The following TOP1 variants were observed in gnomAD, a reference collection of about 807,000 sequenced individuals.
TOP1 encodes DNA topoisomerase 1.
A neutral mutation model predicts 111.1 loss-of-function variants in TOP1; 10 were observed. The observed-to-expected ratio is 0.09, with a 90% CI of 0.06 to 0.15. The LOEUF (loss-of-function observed/expected upper bound fraction) is 0.15, where lower values mean the gene tolerates loss of function less well. TOP1 is among the 10% of genes least tolerant of loss of function. TOP1 has a pLI of 1.00. For synonymous variants in TOP1, 271 were observed against 302.9 expected (o/e 0.89, Z 1.10); for missense variants, 474 against 926.7 (o/e 0.51, Z 6.34).
intron 13 of TOP1, among the ~76,000 whole-genome samples, chr20:41,107,979 C>G (rs1256307391): frequency 6.6e-6 from 1 of 152,190 alleles, no homozygotes; most frequent in African/African-American, 2.4e-5. Flanking sequence ...CGTGAGCCAC[C>G]ACATCCAGCC....
intron 3 of TOP1, chr20:41,073,296 G>T: frequency 2.0e-6 from 2 of 984,800 alleles, no homozygotes; most frequent in Non-Finnish European, 2.4e-6. Flanking sequence ...TCAGGGGAAG[G>T]TGGAACTTAA....
rs538398522 is a variant in TOP1, at chr20:41,057,332, A to C, written c.59-4062A>C. Among the ~76,000 whole-genome samples, 6 of 151,868 alleles carry C rather than the reference A, an allele frequency of 4.0e-5. No homozygotes were observed. In the South Asian group the frequency reaches 1.3e-3, roughly 32 times the overall value. On this transcript the variant is annotated intron_variant, in intron 2 of 20. Transcript: ENST00000361337. ...GGGAGGCTGAGGTTGCAGTGAGCCG[A>C]GATCACACCACTGCACTCCAGCCTG... is the stretch of plus-strand genomic sequence containing the variant.
intron 2 of TOP1, among the ~76,000 whole-genome samples, chr20:41,039,574 C>G (rs1159578761): frequency 6.6e-6 from 1 of 152,092 alleles, no homozygotes; most frequent in Non-Finnish European, 1.5e-5. Flanking sequence ...TTCCTGTTAT[C>G]TTTTTGTATC....
At chr20:41,113,475 T>TG (rs1416805966) in intron 14 of TOP1, among the ~76,000 whole-genome samples, 3 of 150,978 alleles carry the variant, frequency 2.0e-5, no homozygotes, top group Non-Finnish European at 4.4e-5. Flanking sequence ...TCATAGTGAG[T>TG]GGGGGAGGAA....
At chr20:41,047,821 C>G (rs11699093) in intron 2 of TOP1, among the ~76,000 whole-genome samples, 8 of 152,172 alleles carry the variant, frequency 5.3e-5, no homozygotes, top group Non-Finnish European at 8.8e-5. Flanking sequence ...TATGTAGCCT[C>G]TAGCTCCCAA....
At position 41,109,398 on chromosome 20, in the gene TOP1, A is replaced by C. The variant is rs1364672324; in HGVS notation, c.1309-3384A>C. Among the ~76,000 whole-genome samples the C allele has an allele frequency of 6.6e-6, 1 of 152,212 alleles. No individual in the cohort carries two copies. Among genetic ancestry groups the C allele is most frequent in the Non-Finnish European group, 1.5e-5 (1 of 68,038 alleles). ...AGCTTGTAGGTGATATCATGGTTGA[A>C]TATGACCTTAGAGTAGATTCCTTAG... On this transcript the variant is annotated intron_variant, in intron 13 of 20. Coordinates refer to ENST00000361337, the MANE Select transcript of TOP1 (RefSeq NM_003286.4). The surrounding 1 kb of genome is among the most constrained non-coding windows in gnomAD (Gnocchi z 4.1).
At position 41,030,610 on chromosome 20, in the gene TOP1, G is replaced by A. The variant is rs1344614272; in HGVS notation, c.58+1155G>A. The stretch of plus-strand genomic sequence containing the variant: ...AAAAAGCTCATCCTTGCAGGCTTTC[G>A]AACAACCCTGTTGAAGGAGAAGTTA... On this transcript the variant is annotated intron_variant, in intron 2 of 20. Coordinates refer to ENST00000361337, the MANE Select transcript of TOP1 (RefSeq NM_003286.4). The surrounding 1 kb of genome is among the most constrained non-coding windows in gnomAD (Gnocchi z 4.1). Among the ~76,000 whole-genome samples the A allele has an allele frequency of 6.6e-6, 1 of 152,002 alleles. No individual in the cohort carries two copies. Among genetic ancestry groups the A allele is most frequent in the Non-Finnish European group, 1.5e-5 (1 of 68,028 alleles).
chr20:41,092,388 G>C lies in TOP1; in HGVS notation c.615-84G>C. 5 of 628,676 alleles carry C rather than the reference G, an allele frequency of 8.0e-6. No homozygotes were observed. The highest frequency in any genetic ancestry group is 1.4e-5 in the Non-Finnish European group (5 of 363,174). 38.9% of individuals were successfully genotyped at this position (628,676 alleles called of 1,614,324 possible). On this transcript the variant is annotated intron_variant, in intron 8 of 20. Coordinates refer to ENST00000361337, the MANE Select transcript of TOP1 (RefSeq NM_003286.4). The surrounding 1 kb of genome is among the most constrained non-coding windows in gnomAD (Gnocchi z 4.3). ...TTCCAGAGCACTAATCAGTTGAGCG[G>C]ATAATTATTTGGCATTTAATCAGTG...
intron 2 of TOP1, among the ~76,000 whole-genome samples, chr20:41,039,561 T>TA (rs1441033324): frequency 1.3e-5 from 2 of 152,218 alleles, no homozygotes; most frequent in Non-Finnish European, 2.9e-5. Flanking sequence ...TCTGTGTATT[T>TA]ATTTCCTGTT....
Position 41,123,138 on chromosome 20 carries a change from G to A in TOP1, c.2196-57G>A. On this transcript the variant is annotated intron_variant, in intron 20 of 20. Transcript: ENST00000361337. This position sits in a 1 kb window ranked among gnomAD's most constrained non-coding sequence, Gnocchi z 5.8. Reference sequence around the variant, plus strand: ...ATGGAACATCTGACCCTGGGCCTCAGATATGGGCCATTGCTGAGTCACCCT... The same window carrying A: ...ATGGAACATCTGACCCTGGGCCTCAAATATGGGCCATTGCTGAGTCACCCT... The A allele has an allele frequency of 8.3e-7, 1 of 1,207,078 alleles. No individual in the cohort carries two copies. Among genetic ancestry groups the A allele is most frequent in the South Asian group, 1.2e-5 (1 of 80,796 alleles). 74.8% of individuals were successfully genotyped at this position (1,207,078 alleles called of 1,614,324 possible).
At chr20:41,051,857 A>C (rs2033409987) in intron 2 of TOP1, among the ~76,000 whole-genome samples, 1 of 152,054 alleles carries the variant, frequency 6.6e-6, no homozygotes, top group African/African-American at 2.4e-5. Flanking sequence ...GAGTAGGCTG[A>C]CTTCAGTTCT....
At chr20:41,049,528 T>A (rs1568675337) in intron 2 of TOP1, among the ~76,000 whole-genome samples, 1 of 152,090 alleles carries the variant, frequency 6.6e-6, no homozygotes, top group Non-Finnish European at 1.5e-5. Context: ...AACGGTAACA[T>A]TAGAGGCTGA....
chr20:41,119,757 A>G (rs1358361246), intron 18 of TOP1, among the ~76,000 whole-genome samples: 1 of 152,198 alleles, frequency 6.6e-6, no homozygotes, highest in Non-Finnish European at 1.5e-5. Context: ...ACATCCATAG[A>G]CCTTTGATTC....
rs1003061433 is a variant in TOP1 at position 41,100,375 on chromosome 20, C to G, written c.1163+132C>G. 1 of 656,892 alleles carries G rather than the reference C, an allele frequency of 1.5e-6. No homozygotes were observed. The highest frequency in any genetic ancestry group is 2.5e-6 in the Non-Finnish European group (1 of 406,740). The allele number at this position is 656,892 out of a possible 1,614,324, so 40.7% of individuals were successfully genotyped here. A position where few individuals can be genotyped will look rare whatever the true frequency, so the allele number is the denominator to read the frequency against. ...CTTAAGAGCAGGACAGTATTTCATG[C>G]GTAGGTCTCCAGATGTTTTTGAGGT... On this transcript the variant is annotated intron_variant, in intron 12 of 20. Transcript: ENST00000361337. The surrounding 1 kb of genome is among the most constrained non-coding windows in gnomAD (Gnocchi z 4.4).
At chr20:41,040,364 T>A (rs2122594426) in intron 2 of TOP1, among the ~76,000 whole-genome samples, 1 of 152,376 alleles carries the variant, frequency 6.6e-6, no homozygotes, top group African/African-American at 2.4e-5. Flanking sequence ...GGATGCAATG[T>A]AAGTAGTTCT....
rs568182064 is a variant in TOP1, at chr20:41,117,488, G to A, written c.1823-681G>A. Among the ~76,000 whole-genome samples, 6 of 140,188 alleles carry A rather than the reference G, an allele frequency of 4.3e-5. No individual in the cohort carries two copies. The East Asian group carries it at 1.1e-3, about 27-fold the overall frequency. 92.0% of individuals were successfully genotyped at this position (140,188 alleles called of 152,430 possible). A position where few individuals can be genotyped will look rare whatever the true frequency, so the allele number is the denominator to read the frequency against. Reference sequence around the variant, plus strand: ...GCAAGCTCCGCCTCCTGGGGTTCACGCCATTCTCCTGCCTCAGCCTCCCGA... The same window carrying A: ...GCAAGCTCCGCCTCCTGGGGTTCACACCATTCTCCTGCCTCAGCCTCCCGA... On this transcript the variant is annotated intron_variant, in intron 17 of 20. Coordinates refer to ENST00000361337, the MANE Select transcript of TOP1 (RefSeq NM_003286.4).
chr20:41,121,904 C>T lies in TOP1; in HGVS notation c.2046-102C>T. Reference sequence around the variant, plus strand: ...TTTCTGAGAAATGTCTTTTGGAAATCTCTATACTAGGGCTTTTATTGACTC... The same window carrying T: ...TTTCTGAGAAATGTCTTTTGGAAATTTCTATACTAGGGCTTTTATTGACTC... On this transcript the variant is annotated intron_variant, in intron 19 of 20. Coordinates refer to ENST00000361337, the MANE Select transcript of TOP1 (RefSeq NM_003286.4). This position sits in a 1 kb window ranked among gnomAD's most constrained non-coding sequence, Gnocchi z 4.2. The T allele has an allele frequency of 2.6e-6, 4 of 1,560,726 alleles. No homozygotes were observed. Among genetic ancestry groups the T allele is most frequent in the Non-Finnish European group, 3.5e-6 (4 of 1,142,940 alleles).
At position 41,109,273 on chromosome 20, in the gene TOP1, T is replaced by C. The variant is rs2034196630; in HGVS notation, c.1309-3509T>C. 2.0e-5 allele frequency among the ~76,000 whole-genome samples: 3 copies of C among 152,182 alleles called. No homozygotes were observed. The South Asian group carries it at 6.2e-4, about 32-fold the overall frequency. On this transcript the variant is annotated intron_variant, in intron 13 of 20. Coordinates refer to ENST00000361337, the MANE Select transcript of TOP1 (RefSeq NM_003286.4). This position sits in a 1 kb window ranked among gnomAD's most constrained non-coding sequence, Gnocchi z 4.1. Reference sequence around the variant, plus strand: ...GACACAAGCTCATTAAAAATATATATATATTCTGAGCCTGGCATCTTGGTA... The same window carrying C: ...GACACAAGCTCATTAAAAATATATACATATTCTGAGCCTGGCATCTTGGTA...
intron 3 of TOP1, chr20:41,072,740 A>T (rs892962060): frequency 2.0e-6 from 2 of 985,412 alleles, no homozygotes; most frequent in African/African-American, 3.5e-5. Flanking sequence ...ACAAGTAGGG[A>T]TGATCACATT....
Sources: allele counts gnomAD v4.1 joint callset (sites outside exome capture counted in the v4.1 genomes callset), GRCh38; gene constraint gnomAD v4.1.1; non-coding constraint Gnocchi (gnomAD v3.1); transcripts MANE v1.5; gene names NCBI Gene and HGNC (gene_info 2026-07-23, HGNC 2026-07-21).